DCC: variants seen among roughly 807,000 people sequenced by gnomAD.
DCC encodes DCC netrin 1 receptor, also known as netrin receptor DCC.
DCC carries 58 observed loss-of-function variants against 172.5 expected under a neutral mutation model. The ratio of observed to expected loss-of-function variants is 0.34; its 90% CI spans 0.27 to 0.42. DCC has a LOEUF of 0.42. Ranked by LOEUF, DCC falls within the 10% of genes least tolerant of loss-of-function variation. The pLI is 1.00. For missense variants in DCC, 1,740 were observed against 1,791.0 expected, an observed-to-expected ratio of 0.97 and a Z score of 0.51; for synonymous variants, 709 against 644.5, an observed-to-expected ratio of 1.10 and a Z score of -1.52.
At chr18:53,450,140 T>TATAC (rs200166254) in intron 22 of DCC, among the ~76,000 whole-genome samples, 1 of 124,362 alleles carries the variant, frequency 8.0e-6, no homozygotes, top group Non-Finnish European at 1.8e-5. Flanking sequence ...TATATATATA[T>TATAC]ATACACACAC....
At chr18:52,732,172 T>C (rs546212251) in intron 1 of DCC, among the ~76,000 whole-genome samples, 1 of 152,232 alleles carries the variant, frequency 6.6e-6, no homozygotes, top group African/African-American at 2.4e-5. Flanking sequence ...ACTCCTCCCA[T>C]ACATACCCAC....
At chr18:53,493,411 C>A (rs889631317) in intron 26 of DCC, among the ~76,000 whole-genome samples, 68 of 152,168 alleles carry the variant, frequency 4.5e-4, no homozygotes, top group African/African-American at 1.6e-3. Context: ...TGCCAGTTTT[C>A]AAAGGGAATG....
At chr18:52,816,816 C>G (rs990345601) in intron 2 of DCC, 1 of 151,948 alleles carries the variant, frequency 6.6e-6, no homozygotes, top group East Asian at 1.9e-4. Flanking sequence ...TATGAGAGCC[C>G]TAAGAGATTA....
chr18:53,483,050 C>A (rs1021151048), intron 25 of DCC, among the ~76,000 whole-genome samples: 24 of 151,724 alleles, frequency 1.6e-4, no homozygotes, highest in African/African-American at 5.3e-4. Context: ...ATATTAAACT[C>A]ACTTGAAAAA....
At chr18:53,356,271 A>G (rs1199933669) in intron 15 of DCC, among the ~76,000 whole-genome samples, 2 of 152,114 alleles carry the variant, frequency 1.3e-5, no homozygotes, top group Non-Finnish European at 2.9e-5. Context: ...CAGTCATAAT[A>G]ACACTTTCAT....
Position 53,178,940 on chromosome 18 carries a change from C to T in DCC, c.1419-22C>T, listed in dbSNP as rs376346950. On this transcript the variant is annotated intron_variant, in intron 8 of 28. Transcript: ENST00000442544. ...AGGTATTCTTTTTGGAATAATCTTT[C>T]TCTGCAACTTTGATTTCTCAGGGAA... 4 of 1,613,716 alleles carry T rather than the reference C, an allele frequency of 2.5e-6. No homozygotes were observed. The South Asian group carries it at 3.3e-5, about 13-fold the overall frequency.
chr18:52,819,780 G>A (rs541888309), intron 2 of DCC, among the ~76,000 whole-genome samples: 9 of 151,476 alleles, frequency 5.9e-5, no homozygotes, highest in South Asian at 2.1e-4. Context: ...GTGCAATGGC[G>A]CGATCTCTGC....
intron 8 of DCC, among the ~76,000 whole-genome samples, chr18:53,164,536 T>A (rs2054888640): frequency 1.3e-5 from 2 of 152,206 alleles, no homozygotes; most frequent in Admixed American, 1.3e-4. Flanking sequence ...TTGAACCACC[T>A]GGGTTCAAAT....
chr18:52,605,578 C>G (rs2034116830), intron 1 of DCC, among the ~76,000 whole-genome samples: 1 of 152,140 alleles, frequency 6.6e-6, no homozygotes, highest in Non-Finnish European at 1.5e-5. Context: ...GGATAGAGAA[C>G]AGAGTGTAAA....
intron 15 of DCC, among the ~76,000 whole-genome samples, chr18:53,367,552 T>G (rs1328647501): frequency 6.6e-6 from 1 of 152,188 alleles, no homozygotes; most frequent in Non-Finnish European, 1.5e-5. Context: ...TTAATCATTT[T>G]AAAGTATACA....
At chr18:52,993,865 C>G (rs1021068914) in intron 5 of DCC, among the ~76,000 whole-genome samples, 2 of 151,872 alleles carry the variant, frequency 1.3e-5, no homozygotes, top group Non-Finnish European at 2.9e-5. Context: ...TCCACTCTCT[C>G]TCTCTCTCTG....
At chr18:52,777,865 A>G (rs528837051) in intron 2 of DCC, among the ~76,000 whole-genome samples, 2 of 152,322 alleles carry the variant, frequency 1.3e-5, no homozygotes, top group South Asian at 4.1e-4. Flanking sequence ...TGCCAAGTGT[A>G]TCTATGGCAG....
intron 11 of DCC, among the ~76,000 whole-genome samples, chr18:53,213,804 A>G (rs983032529): frequency 6.6e-6 from 1 of 151,902 alleles, no homozygotes; most frequent in Non-Finnish European, 1.5e-5. Context: ...TAGTACTTCA[A>G]TTTAAAAAAC....
intron 2 of DCC, among the ~76,000 whole-genome samples, chr18:52,826,350 T>C (rs1478902784): frequency 6.6e-6 from 1 of 152,150 alleles, no homozygotes; most frequent in Non-Finnish European, 1.5e-5. Context: ...TAAGTCCCAC[T>C]CCTCTACCAA....
intron 2 of DCC, among the ~76,000 whole-genome samples, chr18:52,868,413 T>C (rs753768898): frequency 6.6e-6 from 1 of 152,156 alleles, no homozygotes; most frequent in Non-Finnish European, 1.5e-5. Context: ...GTATGGCATT[T>C]GTATGCGTGT....
At chr18:52,538,915 G>A (rs1383210939) in intron 1 of DCC, among the ~76,000 whole-genome samples, 6 of 152,220 alleles carry the variant, frequency 3.9e-5, no homozygotes, top group African/African-American at 1.4e-4. Context: ...AAATGAATGA[G>A]TGAATAATGT....
chr18:52,698,747 C>T (rs530557549), intron 1 of DCC, among the ~76,000 whole-genome samples: 3 of 148,062 alleles, frequency 2.0e-5, no homozygotes, highest in South Asian at 2.2e-4. Context: ...TACAGGCTCC[C>T]GCCACCACGC....
rs1052019149 is a variant in DCC at position 52,636,939 on chromosome 18, G to A, written c.92-115115G>A. ...GTCCTGCACCCCCGCCACCTCCACC[G>A]GAACAGGCACTGGTTCCATGGCTGA... is the stretch of plus-strand genomic sequence containing the variant. On this transcript the variant is annotated intron_variant, in intron 1 of 28. Transcript: ENST00000442544. Among the ~76,000 whole-genome samples, 12 of 152,080 alleles carry A rather than the reference G, an allele frequency of 7.9e-5. 1 individual carries two copies. Among genetic ancestry groups the A allele is most frequent in the African/African-American group, 1.2e-4 (5 of 41,406 alleles).
At chr18:52,443,875 G>A (rs1234540527) in intron 1 of DCC, among the ~76,000 whole-genome samples, 6 of 152,104 alleles carry the variant, frequency 3.9e-5, no homozygotes, top group South Asian at 4.1e-4. Flanking sequence ...AGACAGAGAC[G>A]GGAGAAAGAA....
Sources: gnomAD v4.1 joint callset for allele counts (sites outside exome capture counted in the v4.1 genomes callset) on GRCh38, gnomAD v4.1.1 for gene constraint, MANE v1.5 for transcripts, NCBI Gene and HGNC (gene_info 2026-07-23, HGNC 2026-07-21) for gene names.